Variants in FBRSL1 observed in about 807,000 individuals in gnomAD.
FBRSL1 encodes fibrosin like 1, also known as fibrosin-1-like protein.
In FBRSL1, 51 loss-of-function variants were observed where a neutral mutation model predicts 89.6. The observed-to-expected ratio is 0.57, with a 90% confidence interval of 0.45 to 0.72. The LOEUF (loss-of-function observed/expected upper bound fraction) is 0.72. Ranked by LOEUF, FBRSL1 falls within the 30% of genes least tolerant of loss-of-function variation. The probability of loss-of-function intolerance (pLI) is 0.00; values close to 1 mark genes in which losing one functional copy is unlikely to be tolerated. For synonymous variants in FBRSL1, 779 were observed against 681.1 expected, an observed-to-expected ratio of 1.14 and a Z score of -2.24; for missense variants, 1,618 against 1,451.8, an observed-to-expected ratio of 1.11 and a Z score of -1.86.
rs1253296668 is a variant in FBRSL1 at position 132,583,368 on chromosome 12, G to A, written c.2599G>A (p.Ala867Thr). 6 of 1,113,076 alleles carry A rather than the reference G, an allele frequency of 5.4e-6. No individual in the cohort carries two copies. The highest frequency in any genetic ancestry group is 1.7e-5 in the African/African-American group (1 of 58,434). 68.9% of individuals were successfully genotyped at this position (1,113,076 alleles called of 1,614,324 possible). ...GGAGCTGCCACGTCGCGCCTTCCCC[G>A]CTGCCGCCCCCGCCCCGGGCTCCGC... Reference protein sequence around the residue: ...GLELPRRAFPAAAPAPGSAAL... With the variant: ...GLELPRRAFPTAAPAPGSAAL... The change falls in exon 19 of 19, where the codon GCT (alanine) becomes ACT (threonine). Residue 867 changes from alanine to threonine, a missense_variant. By Grantham distance (58) the Ala-to-Thr change is moderately conservative. Coordinates refer to ENST00000680143, the MANE Select transcript of FBRSL1 (RefSeq NM_001367871.1).
chr12:132,551,657 C>T (rs1407315102), intron 5 of FBRSL1: 1 of 449,408 alleles, frequency 2.2e-6, no homozygotes, highest in South Asian at 1.6e-5. Context: ...GACAGCCCTC[C>T]TCCACGTGAA....
intron 15 of FBRSL1, among the ~76,000 whole-genome samples, chr12:132,578,445 C>T (rs1205333913): frequency 2.0e-5 from 3 of 152,014 alleles, no homozygotes; most frequent in Non-Finnish European, 2.9e-5. Context: ...CGTCCTCACA[C>T]GGAGTGGGCT....
At chr12:132,535,589 A>C (rs1394041851) in intron 4 of FBRSL1, among the ~76,000 whole-genome samples, 1 of 152,268 alleles carries the variant, frequency 6.6e-6, no homozygotes, top group Non-Finnish European at 1.5e-5. Flanking sequence ...GAGCAGATGC[A>C]GCCAGTATCA....
intron 2 of FBRSL1, chr12:132,510,273 C>T (rs867227069): frequency 1.3e-5 from 16 of 1,230,318 alleles, no homozygotes; most frequent in Non-Finnish European, 1.4e-5. Flanking sequence ...CCGGCCTCTC[C>T]TGGGGCTCCT....
intron 2 of FBRSL1, chr12:132,509,779 G>T: frequency 8.1e-7 from 1 of 1,231,210 alleles, no homozygotes; most frequent in Non-Finnish European, 1.0e-6. Context: ...GCATCCTCAG[G>T]ACAGCGCAGC....
chr12:132,580,018 G>C (rs978411528), intron 15 of FBRSL1, among the ~76,000 whole-genome samples: 1 of 152,176 alleles, frequency 6.6e-6, no homozygotes, highest in African/African-American at 2.4e-5. Flanking sequence ...AATTCTTAAT[G>C]TTGCTTGGCT....
intron 15 of FBRSL1, among the ~76,000 whole-genome samples, chr12:132,578,731 C>A (rs1314111003): frequency 6.8e-6 from 1 of 147,098 alleles, no homozygotes; most frequent in Non-Finnish European, 1.5e-5. Flanking sequence ...AGCCCCCCCT[C>A]ACTCTCCCCT....
intron 2 of FBRSL1, among the ~76,000 whole-genome samples, chr12:132,525,298 G>A (rs555589548): frequency 6.6e-6 from 1 of 152,324 alleles, no homozygotes; most frequent in Admixed American, 6.5e-5. Flanking sequence ...GCCCTGTACA[G>A]CCAGATGGGG....
At chr12:132,518,766 C>T (rs1456263006) in intron 2 of FBRSL1, among the ~76,000 whole-genome samples, 4 of 151,266 alleles carry the variant, frequency 2.6e-5, no homozygotes, top group Non-Finnish European at 5.9e-5. Flanking sequence ...ATCCACACAT[C>T]CATCCATCCA....
intron 4 of FBRSL1, among the ~76,000 whole-genome samples, chr12:132,542,241 G>A (rs1201110589): frequency 1.3e-5 from 2 of 152,166 alleles, no homozygotes; most frequent in Non-Finnish European, 2.9e-5. Flanking sequence ...ACCTGGGTGG[G>A]CACGCGAGGC....
At chr12:132,532,829 G>T (rs1479878550) in intron 4 of FBRSL1, among the ~76,000 whole-genome samples, 1 of 152,224 alleles carries the variant, frequency 6.6e-6, no homozygotes, top group Non-Finnish European at 1.5e-5. Flanking sequence ...GTGCTTGGGG[G>T]CATGCCTGGG....
At chr12:132,525,944 G>T (rs755722399) in intron 3 of FBRSL1, 121 bp downstream of exon 3, 1 of 790,294 alleles carries the variant, frequency 1.3e-6, no homozygotes, top group African/African-American at 1.7e-5. Context: ...GCACAAGGGC[G>T]TCCAGTCCGA....
In FBRSL1 at chr12:132,581,108, T is replaced by G. The variant is rs145052531; in HGVS notation, c.1835-331T>G. On this transcript the variant is annotated intron_variant, in intron 15 of 18. Coordinates refer to ENST00000680143, the MANE Select transcript of FBRSL1 (RefSeq NM_001367871.1). ...TCTGAGATAAAGGCTTCAGGAGTGG[T>G]CCGATCAAGGTGCATGTTACTTGGA... 1,014 of 985,428 alleles carry G rather than the reference T, an allele frequency of 1.0e-3. 4 individuals are homozygous for G. The African/African-American group carries it at 0.015, about 14-fold the overall frequency. 61.0% of individuals were successfully genotyped at this position (985,428 alleles called of 1,614,324 possible).
chr12:132,495,151 G>C (rs2031789700), intron 1 of FBRSL1, among the ~76,000 whole-genome samples: 1 of 152,360 alleles, frequency 6.6e-6, no homozygotes, highest in Non-Finnish European at 1.5e-5. Flanking sequence ...GACTGGCCCA[G>C]ACACTGCCCT....
At chr12:132,570,306 TG>T (rs1311161309) in intron 7 of FBRSL1, 28 bp from the exon 8 acceptor site, 1 of 1,521,546 alleles carries the variant, frequency 6.6e-7, no homozygotes, top group Non-Finnish European at 8.8e-7. Context: ...GGGGTCGGGC[TG>T]GCAGGCACTG....
At chr12:132,555,705 C>T (rs1435789308) in intron 5 of FBRSL1, among the ~76,000 whole-genome samples, 1 of 152,240 alleles carries the variant, frequency 6.6e-6, no homozygotes, top group Non-Finnish European at 1.5e-5. Context: ...TGCATTGCTC[C>T]TATCTCTGCC....
chr12:132,571,593 C>A, intron 9 of FBRSL1: 2 of 1,091,206 alleles, frequency 1.8e-6, no homozygotes, highest in Non-Finnish European at 2.4e-6. Flanking sequence ...CAGGCACACA[C>A]AGACACACGC....
At chr12:132,576,020 A>G (rs1409273626) in intron 14 of FBRSL1, among the ~76,000 whole-genome samples, 1 of 152,138 alleles carries the variant, frequency 6.6e-6, no homozygotes, top group Non-Finnish European at 1.5e-5. Context: ...TGCCTCCCAC[A>G]GCCGCCTGGC....
Position 132,572,047 on chromosome 12 carries a change from G to A in FBRSL1, c.1378-241G>A. On this transcript the variant is annotated intron_variant, in intron 9 of 18. Coordinates refer to ENST00000680143, the MANE Select transcript of FBRSL1 (RefSeq NM_001367871.1). ...GCCAGGCACACAGACTGCCTGGGGG[G>A]GCCGAGTTCCCACCCCATGCAAGGG... 5.3e-6 allele frequency: 3 copies of A among 566,062 alleles called. No homozygotes were observed. In the South Asian group the frequency reaches 6.7e-5, roughly 13 times the overall value. 35.1% of individuals were successfully genotyped at this position (566,062 alleles called of 1,614,324 possible). A position where few individuals can be genotyped will look rare whatever the true frequency, so the allele number is the denominator to read the frequency against.
Sources: allele counts gnomAD v4.1 joint callset (sites outside exome capture counted in the v4.1 genomes callset), GRCh38; gene constraint gnomAD v4.1.1; transcripts MANE v1.5; gene names NCBI Gene and HGNC (gene_info 2026-07-23, HGNC 2026-07-21).